The following CNTNAP5 variants were observed in gnomAD, a reference collection of about 807,000 sequenced individuals.
CNTNAP5 encodes contactin associated protein family member 5.
In CNTNAP5, 72 loss-of-function variants were observed where a neutral mutation model predicts 150.2. The observed-to-expected ratio is 0.48, with a 90% CI of 0.40 to 0.58. The LOEUF is 0.58. CNTNAP5 is among the 20% of genes least tolerant of loss of function. The pLI is 0.00. For missense variants in CNTNAP5, 1,636 were observed against 1,626.2 expected (o/e 1.01, Z -0.10); for synonymous variants, 672 against 619.8 (o/e 1.08, Z -1.25).
chr2:124,716,003 T>C (rs1679936849), intron 13 of CNTNAP5, among the ~76,000 whole-genome samples: 1 of 152,174 alleles, frequency 6.6e-6, no homozygotes. Context: ...TACTGAGGTA[T>C]ATGTTTACAT....
chr2:124,231,396 G>T (rs188591615), intron 2 of CNTNAP5, among the ~76,000 whole-genome samples: 6 of 152,060 alleles, frequency 3.9e-5, no homozygotes, highest in East Asian at 1.9e-4. Context: ...TAAGTCAGTG[G>T]CCCAAAACTA....
At chr2:124,069,321 G>A (rs548771644) in intron 1 of CNTNAP5, among the ~76,000 whole-genome samples, 21 of 152,176 alleles carry the variant, frequency 1.4e-4, no homozygotes, top group Non-Finnish European at 2.9e-4. Context: ...CTTAGCTGCA[G>A]TAGAATAGAA....
At chr2:124,034,392 C>T (rs968604242) in intron 1 of CNTNAP5, among the ~76,000 whole-genome samples, 3 of 152,188 alleles carry the variant, frequency 2.0e-5, no homozygotes, top group African/African-American at 7.2e-5. Flanking sequence ...ACTTCCCCTT[C>T]ATCTGGGTAA....
chr2:124,645,061 T>C (rs1678175979), intron 12 of CNTNAP5, among the ~76,000 whole-genome samples: 1 of 152,206 alleles, frequency 6.6e-6, no homozygotes, highest in African/African-American at 2.4e-5. Context: ...ATCATGGACA[T>C]TTCAAAACTG....
At chr2:124,511,963 A>G (rs1255295940) in intron 8 of CNTNAP5, among the ~76,000 whole-genome samples, 1 of 149,214 alleles carries the variant, frequency 6.7e-6, no homozygotes, top group Non-Finnish European at 1.5e-5. Flanking sequence ...TTAAATGTGT[A>G]TATGTGTGTG....
intron 8 of CNTNAP5, among the ~76,000 whole-genome samples, chr2:124,518,920 C>T (rs1033701826): frequency 8.1e-5 from 11 of 135,734 alleles, no homozygotes; most frequent in Middle Eastern, 4.1e-3. Context: ...ACCCAGGAGG[C>T]GGAGGTTGCA....
At chr2:124,491,491 T>A (rs1009646401) in intron 7 of CNTNAP5, among the ~76,000 whole-genome samples, 8 of 151,980 alleles carry the variant, frequency 5.3e-5, no homozygotes, top group Non-Finnish European at 8.8e-5. Flanking sequence ...TTCTTTATTA[T>A]CTGTTGAGGG....
chr2:124,649,167 CT>C (rs1321334237), intron 13 of CNTNAP5, among the ~76,000 whole-genome samples: 1 of 152,162 alleles, frequency 6.6e-6, no homozygotes, highest in African/African-American at 2.4e-5. Flanking sequence ...AAAATGTAAC[CT>C]TTCTTGGTGA....
At position 124,761,608 on chromosome 2, in the gene CNTNAP5, A is replaced by G. The variant is rs561115707; in HGVS notation, c.2235-2064A>G. 1.5e-4 allele frequency among the ~76,000 whole-genome samples: 23 copies of G among 152,170 alleles called. No individual in the cohort carries two copies. The Middle Eastern group carries it at 0.01, about 68-fold the overall frequency. On this transcript the variant is annotated intron_variant, in intron 14 of 23. Transcript: ENST00000682447. ...TTATACTTATCTCTCTTTCCCCCTGACAAGAGATTGTGTGTCAATTTCCAT... is the reference window on the plus strand; with the variant it reads ...TTATACTTATCTCTCTTTCCCCCTGGCAAGAGATTGTGTGTCAATTTCCAT...
At chr2:124,476,093 T>A (rs576235720) in intron 7 of CNTNAP5, among the ~76,000 whole-genome samples, 6 of 152,136 alleles carry the variant, frequency 3.9e-5, no homozygotes, top group Non-Finnish European at 8.8e-5. Flanking sequence ...TGTGGTTTAC[T>A]GGTTTAATCA....
At chr2:124,059,321 AT>A (rs35803890) in intron 1 of CNTNAP5, among the ~76,000 whole-genome samples, 1 of 152,224 alleles carries the variant, frequency 6.6e-6, no homozygotes, top group African/African-American at 2.4e-5. Flanking sequence ...AAGATATCAC[AT>A]TTCTGTGAAC....
chr2:124,666,706 C>T (rs954280583), intron 13 of CNTNAP5, among the ~76,000 whole-genome samples: 1 of 152,038 alleles, frequency 6.6e-6, no homozygotes, highest in African/African-American at 2.4e-5. Context: ...ACATATTTTT[C>T]CTCATCCCCT....
intron 1 of CNTNAP5, among the ~76,000 whole-genome samples, chr2:124,121,529 A>G (rs1434815336): frequency 6.6e-6 from 1 of 152,206 alleles, no homozygotes; most frequent in South Asian, 2.1e-4. Flanking sequence ...AGTCAACACA[A>G]TTATTGCCTA....
chr2:124,161,235 T>C (rs977700693), intron 1 of CNTNAP5, among the ~76,000 whole-genome samples: 2 of 152,164 alleles, frequency 1.3e-5, no homozygotes, highest in African/African-American at 4.8e-5. Context: ...TGAAAGTATG[T>C]TGACTATGTT....
At chr2:124,201,389 T>G (rs1026560664) in intron 1 of CNTNAP5, among the ~76,000 whole-genome samples, 18 of 152,222 alleles carry the variant, frequency 1.2e-4, no homozygotes, top group Non-Finnish European at 2.6e-4. Context: ...GAAGCAGCAG[T>G]TACAGAATCT....
intron 12 of CNTNAP5, among the ~76,000 whole-genome samples, chr2:124,640,883 T>C (rs1480839384): frequency 6.6e-6 from 1 of 151,688 alleles, no homozygotes; most frequent in African/African-American, 2.4e-5. Flanking sequence ...TCCCAGCACT[T>C]TGGGAGACCG....
chr2:124,631,791 C>G (rs1198417564), intron 12 of CNTNAP5, among the ~76,000 whole-genome samples: 4 of 152,164 alleles, frequency 2.6e-5, no homozygotes, highest in Admixed American at 6.5e-5. Flanking sequence ...AGACAACCTA[C>G]AGAATGGGAG....
chr2:124,269,598 G>A (rs1048538693), intron 3 of CNTNAP5, among the ~76,000 whole-genome samples: 3 of 151,970 alleles, frequency 2.0e-5, no homozygotes, highest in East Asian at 3.9e-4. Flanking sequence ...GTCTGAACAC[G>A]GAAAGTGATA....
intron 17 of CNTNAP5, among the ~76,000 whole-genome samples, chr2:124,776,833 A>G (rs946211184): frequency 1.3e-5 from 2 of 152,232 alleles, no homozygotes; most frequent in African/African-American, 4.8e-5. Flanking sequence ...CAACGGTGAA[A>G]CAAAAAGTGA....
Sources: allele counts gnomAD v4.1 joint callset (sites outside exome capture counted in the v4.1 genomes callset), GRCh38; gene constraint gnomAD v4.1.1; transcripts MANE v1.5; gene names NCBI Gene and HGNC (gene_info 2026-07-23, HGNC 2026-07-21).